RERG: variants seen among roughly 807,000 people sequenced by gnomAD.
RERG encodes ras-related and estrogen-regulated growth inhibitor.
RERG carries 25 observed loss-of-function variants against 23.2 expected under a neutral mutation model. The ratio of observed to expected loss-of-function variants is 1.08; its 90% confidence interval spans 0.79 to 1.50. The LOEUF is 1.50. RERG is among the 40% of genes most tolerant of loss of function. The pLI is 0.00. For synonymous variants in RERG, 81 were observed against 89.1 expected, an observed-to-expected ratio of 0.91 and a Z score of 0.51; for missense variants, 253 against 250.1, an observed-to-expected ratio of 1.01 and a Z score of -0.08.
intron 2 of RERG, among the ~76,000 whole-genome samples, chr12:15,215,782 G>A (rs938583101): frequency 1.3e-5 from 2 of 152,124 alleles, no homozygotes; most frequent in African/African-American, 2.4e-5. Context: ...GAAAGGCAAC[G>A]AAAACAGGCA....
Position 15,108,987 on chromosome 12 carries a change from C to T in RERG, c.*123G>A, listed in dbSNP as rs995114210. 9.5e-7 allele frequency: 1 copy of T among 1,051,966 alleles called. No homozygotes were observed. Among genetic ancestry groups the T allele is most frequent in the African/African-American group, 1.6e-5 (1 of 62,592 alleles). 65.2% of individuals were successfully genotyped at this position (1,051,966 alleles called of 1,614,324 possible). ...TTCCCAACCTATTAGAGGCCAGAAACAATGGGAAGCCCAGACATTTCTCAG... is the reference window on the plus strand; with the variant it reads ...TTCCCAACCTATTAGAGGCCAGAAATAATGGGAAGCCCAGACATTTCTCAG... On this transcript the variant is annotated 3_prime_UTR_variant, in exon 5 of 5. Coordinates refer to ENST00000256953, the MANE Select transcript of RERG (RefSeq NM_032918.3).
intron 2 of RERG, among the ~76,000 whole-genome samples, chr12:15,139,817 C>CT (rs1191629635): frequency 2.0e-5 from 3 of 151,964 alleles, no homozygotes; most frequent in African/African-American, 7.3e-5. Context: ...CTTTTCCTGT[C>CT]TGATTACACT....
At chr12:15,111,565 G>A (rs1389133645) in intron 3 of RERG, 148 bp from the exon 4 acceptor site, 15 of 599,932 alleles carry the variant, frequency 2.5e-5, no homozygotes, top group Non-Finnish European at 4.3e-5. Flanking sequence ...GGAGAGATGT[G>A]CAAAAATGTA....
chr12:15,175,331 CTCTG>C (rs991030871), intron 2 of RERG, among the ~76,000 whole-genome samples: 15 of 109,374 alleles, frequency 1.4e-4, no homozygotes, highest in East Asian at 5.7e-4. Flanking sequence ...TACTCTCAGG[CTCTG>C]TGTGTGTGTG....
chr12:15,186,549 G>A (rs549088486), intron 2 of RERG, among the ~76,000 whole-genome samples: 1 of 152,088 alleles, frequency 6.6e-6, no homozygotes, highest in South Asian at 2.1e-4. Context: ...AGAGCAAGGA[G>A]GAGAGGAAGA....
chr12:15,135,773 C>A (rs749289629), intron 2 of RERG, among the ~76,000 whole-genome samples: 7 of 151,922 alleles, frequency 4.6e-5, no homozygotes, highest in Non-Finnish European at 4.4e-5. Flanking sequence ...GCATATACAC[C>A]TTTTTATACA....
chr12:15,200,446 T>C (rs773582155), intron 2 of RERG, among the ~76,000 whole-genome samples: 2 of 152,102 alleles, frequency 1.3e-5, no homozygotes, highest in Admixed American at 6.6e-5. Context: ...CAGTGGTCTT[T>C]TGCATTTATG....
At chr12:15,115,413 T>C (rs911208232) in intron 3 of RERG, among the ~76,000 whole-genome samples, 8 of 152,018 alleles carry the variant, frequency 5.3e-5, no homozygotes, top group Non-Finnish European at 8.8e-5. Context: ...GTAAATACCA[T>C]GCTTAGTTTC....
chr12:15,218,176 T>A (rs768109803), intron 1 of RERG: 7 of 152,214 alleles, frequency 4.6e-5, no homozygotes, highest in Non-Finnish European at 8.8e-5. Flanking sequence ...ATACATAGAT[T>A]ACATTTCTAT....
At chr12:15,209,960 T>C (rs1293926564) in intron 2 of RERG, among the ~76,000 whole-genome samples, 1 of 152,210 alleles carries the variant, frequency 6.6e-6, no homozygotes, top group East Asian at 1.9e-4. Flanking sequence ...ATTTGTTTAT[T>C]CATGCTGAAA....
Position 15,164,083 on chromosome 12 carries a change from C to A in RERG, c.62-42964G>T, listed in dbSNP as rs1335490350. On this transcript the variant is annotated intron_variant, in intron 2 of 4. Coordinates refer to ENST00000256953, the MANE Select transcript of RERG (RefSeq NM_032918.3). ...AAAACAGAGCAAAGCAGGGAAAGAG[C>A]AAGAATGGATGAGGTTACTCAGTTA... Among the ~76,000 whole-genome samples the A allele has an allele frequency of 2.0e-5, 3 of 151,982 alleles. No individual in the cohort carries two copies. The East Asian group carries it at 5.8e-4, about 29-fold the overall frequency.
chr12:15,159,066 A>C (rs1208551339), intron 2 of RERG, among the ~76,000 whole-genome samples: 1 of 152,202 alleles, frequency 6.6e-6, no homozygotes, highest in South Asian at 2.1e-4. Flanking sequence ...ATAGTTTTCT[A>C]ACTTGTCATT....
At chr12:15,131,233 T>C (rs1864041050) in intron 2 of RERG, among the ~76,000 whole-genome samples, 1 of 152,192 alleles carries the variant, frequency 6.6e-6, no homozygotes, top group African/African-American at 2.4e-5. Flanking sequence ...TTTGTTTCAG[T>C]CTTGAAGGTT....
intron 2 of RERG, among the ~76,000 whole-genome samples, chr12:15,180,051 C>G (rs990307201): frequency 7.9e-5 from 12 of 151,984 alleles, no homozygotes; most frequent in African/African-American, 2.9e-4. Flanking sequence ...TGGGAGAAAC[C>G]TGATGGAGGA....
intron 2 of RERG, among the ~76,000 whole-genome samples, chr12:15,202,217 A>G (rs1865226982): frequency 6.6e-6 from 1 of 151,820 alleles, no homozygotes; most frequent in South Asian, 2.1e-4. Context: ...ATTAAGGGTA[A>G]TAAAAGTATC....
At chr12:15,162,757 G>A (rs1421553114) in intron 2 of RERG, among the ~76,000 whole-genome samples, 1 of 152,158 alleles carries the variant, frequency 6.6e-6, no homozygotes, top group African/African-American at 2.4e-5. Flanking sequence ...GGCTCTTAAA[G>A]ATGACCTAGT....
intron 2 of RERG, among the ~76,000 whole-genome samples, chr12:15,132,947 C>T (rs1447849375): frequency 6.6e-6 from 1 of 151,310 alleles, no homozygotes; most frequent in Non-Finnish European, 1.5e-5. Context: ...AGAAAGCACA[C>T]AGAGTTTCCA....
At chr12:15,156,330 C>A (rs1381759028) in intron 2 of RERG, among the ~76,000 whole-genome samples, 1 of 152,190 alleles carries the variant, frequency 6.6e-6, no homozygotes, top group African/African-American at 2.4e-5. Flanking sequence ...TTTTCCCATA[C>A]AAGTTCACAG....
At chr12:15,128,570 T>C (rs1359209598) in intron 2 of RERG, among the ~76,000 whole-genome samples, 1 of 152,200 alleles carries the variant, frequency 6.6e-6, no homozygotes, top group African/African-American at 2.4e-5. Context: ...TAGTATCCAA[T>C]TGAAGTCCTG....
Sources: gnomAD v4.1 joint callset for allele counts (sites outside exome capture counted in the v4.1 genomes callset) on GRCh38, gnomAD v4.1.1 for gene constraint, MANE v1.5 for transcripts, NCBI Gene and HGNC (gene_info 2026-07-23, HGNC 2026-07-21) for gene names.